The following AMMECR1 variants were observed in gnomAD, a reference collection of about 807,000 sequenced individuals.
AMMECR1 encodes AMMECR nuclear protein 1.
AMMECR1 carries 3 observed loss-of-function variants against 22.5 expected under a neutral mutation model. The ratio of observed to expected loss-of-function variants is 0.13; its 90% CI spans 0.06 to 0.35. The LOEUF is 0.35. AMMECR1 is among the 10% of genes least tolerant of loss of function. The pLI, the probability that AMMECR1 is intolerant of heterozygous loss-of-function variation, is 1.00. For missense variants in AMMECR1, 235 were observed against 278.7 expected (o/e 0.84, Z 1.12); for synonymous variants, 130 against 116.7 (o/e 1.11, Z -0.74).
intron 1 of AMMECR1, among the ~76,000 whole-genome samples, chrX:110,316,904 GA>G (rs372150467): frequency 0.016 from 1,346 of 83,547 alleles, 17 homozygotes; most frequent in African/African-American, 0.049. Context: ...CGGTGGAATG[GA>G]AAAAAAAAAA....
intron 2 of AMMECR1, among the ~76,000 whole-genome samples, chrX:110,398,528 C>T (rs2068543066): frequency 8.9e-6 from 1 of 112,406 alleles, no homozygotes; most frequent in Non-Finnish European, 1.9e-5. Flanking sequence ...ATGTTAACAT[C>T]TTACAAAATC....
chrX:110,218,429 G>A (rs1319167791), intron 2 of AMMECR1, among the ~76,000 whole-genome samples: 1 of 110,420 alleles, frequency 9.1e-6, no homozygotes, highest in Non-Finnish European at 1.9e-5. Context: ...ATATAGTTCT[G>A]TAAAATTAAA....
intron 2 of AMMECR1, among the ~76,000 whole-genome samples, chrX:110,407,763 T>C: frequency 8.9e-6 from 1 of 112,406 alleles, no homozygotes; most frequent in Middle Eastern, 4.6e-3. Flanking sequence ...TAAAGGCTGG[T>C]AGAAGAGGGC....
chrX:110,254,290 AACATATT>A (rs1441922757), intron 2 of AMMECR1, among the ~76,000 whole-genome samples: 2 of 112,015 alleles, frequency 1.8e-5, no homozygotes, highest in African/African-American at 6.5e-5. Flanking sequence ...GTATCTTACA[AACATATT>A]ACATATTACC....
At chrX:110,284,826 G>A (rs2148209353) in intron 1 of AMMECR1, among the ~76,000 whole-genome samples, 1 of 112,206 alleles carries the variant, frequency 8.9e-6, no homozygotes, top group African/African-American at 3.2e-5. Context: ...ACAGGGGTCA[G>A]TCTGAAATTC....
At chrX:110,298,878 T>C (rs1484634593) in intron 1 of AMMECR1, among the ~76,000 whole-genome samples, 2 of 112,095 alleles carry the variant, frequency 1.8e-5, no homozygotes, top group Non-Finnish European at 1.9e-5. Flanking sequence ...ACTATAAACA[T>C]ATATAACACA....
At chrX:110,256,198 A>G (rs2067710254) in intron 2 of AMMECR1, among the ~76,000 whole-genome samples, 1 of 112,052 alleles carries the variant, frequency 8.9e-6, no homozygotes, top group South Asian at 3.7e-4. Flanking sequence ...GCATGTTACT[A>G]TACTGCATAA....
At chrX:110,351,779 G>A (rs992467740) in intron 2 of AMMECR1, among the ~76,000 whole-genome samples, 2 of 111,969 alleles carry the variant, frequency 1.8e-5, no homozygotes, top group East Asian at 2.8e-4. Context: ...TGAATCAAAG[G>A]AAATGAAAAG....
chrX:110,291,997 A>G (rs965426777), intron 1 of AMMECR1, among the ~76,000 whole-genome samples: 2 of 112,227 alleles, frequency 1.8e-5, no homozygotes, highest in African/African-American at 6.5e-5. Flanking sequence ...TTAAAAAGAA[A>G]CAGGTACTGC....
chrX:110,432,785 T>A (rs989062162), intron 1 of AMMECR1, among the ~76,000 whole-genome samples: 1 of 112,583 alleles, frequency 8.9e-6, no homozygotes, highest in Non-Finnish European at 1.9e-5. Context: ...GCTTCCTGAA[T>A]GTTTCCAAGT....
At chrX:110,327,737 GTTA>G (rs1345658452) in intron 2 of AMMECR1, among the ~76,000 whole-genome samples, 3 of 111,816 alleles carry the variant, frequency 2.7e-5, no homozygotes, top group Non-Finnish European at 5.6e-5. Context: ...TTAAGTAGTT[GTTA>G]TTATTATCAT....
At chrX:110,373,800 T>C (rs749669969) in intron 2 of AMMECR1, among the ~76,000 whole-genome samples, 1 of 111,443 alleles carries the variant, frequency 9.0e-6, no homozygotes, top group South Asian at 3.8e-4. Flanking sequence ...GTACACCAAA[T>C]AAATAGGCCA....
intron 2 of AMMECR1, among the ~76,000 whole-genome samples, chrX:110,239,119 T>C (rs1455164888): frequency 9.0e-6 from 1 of 110,991 alleles, no homozygotes; most frequent in East Asian, 2.8e-4. Flanking sequence ...GGCTGAAAAT[T>C]CCAAAAACCA....
chrX:110,255,917 T>C (rs2067708907), intron 2 of AMMECR1, among the ~76,000 whole-genome samples: 1 of 112,272 alleles, frequency 8.9e-6, no homozygotes, highest in South Asian at 3.6e-4. Flanking sequence ...AATCCAAATG[T>C]ATTTTCTTCA....
At chrX:110,203,358 T>A (rs1161044843) in intron 3 of AMMECR1, among the ~76,000 whole-genome samples, 1 of 112,256 alleles carries the variant, frequency 8.9e-6, no homozygotes, top group Non-Finnish European at 1.9e-5. Context: ...TTGCTAATTT[T>A]TTTTTAATAA....
intron 1 of AMMECR1, among the ~76,000 whole-genome samples, chrX:110,270,086 C>A (rs1434763091): frequency 2.7e-5 from 3 of 111,213 alleles, no homozygotes; most frequent in Admixed American, 9.6e-5. Context: ...CACGAGCTCT[C>A]CAACAGTCTT....
chrX:110,231,761 C>T (rs1040528906), intron 2 of AMMECR1, among the ~76,000 whole-genome samples: 9 of 111,042 alleles, frequency 8.1e-5, no homozygotes, highest in Non-Finnish European at 1.7e-4. Context: ...GTGCTGTATT[C>T]AGGAGACCCA....
intron 1 of AMMECR1, among the ~76,000 whole-genome samples, chrX:110,429,292 T>G (rs2068777446): frequency 9.0e-6 from 1 of 110,603 alleles, no homozygotes; most frequent in Non-Finnish European, 1.9e-5. Flanking sequence ...TCTCACTTGT[T>G]GAATGACTCA....
At chrX:110,295,260 G>A (rs886599839) in intron 1 of AMMECR1, among the ~76,000 whole-genome samples, 3 of 111,237 alleles carry the variant, frequency 2.7e-5, no homozygotes, top group Non-Finnish European at 5.7e-5. Context: ...CTTGAGAAGT[G>A]TGATGAAATT....
Sources: gnomAD v4.1 joint callset for allele counts (sites outside exome capture counted in the v4.1 genomes callset) on GRCh38, gnomAD v4.1.1 for gene constraint, MANE v1.5 for transcripts, NCBI Gene and HGNC (gene_info 2026-07-23, HGNC 2026-07-21) for gene names.